TULP4: variants seen among roughly 807,000 people sequenced by gnomAD.
The protein encoded by TULP4 is TUB like protein 4.
TULP4 carries 16 observed loss-of-function variants against 129.0 expected under a neutral mutation model. That is an observed-to-expected ratio of 0.12 (90% CI 0.08 to 0.19). TULP4 has a LOEUF of 0.19. TULP4 is among the 10% of genes least tolerant of loss of function. The pLI is 1.00. For synonymous variants in TULP4, 998 were observed against 854.0 expected (o/e 1.17, Z -2.94); for missense variants, 1,842 against 2,059.1 (o/e 0.89, Z 2.04).
At chr6:158,241,848 C>G in intron 1 of TULP4, 2 of 638,708 alleles carry the variant, frequency 3.1e-6, no homozygotes, top group Non-Finnish European at 3.0e-6. Flanking sequence ...CTGCCTCCGC[C>G]TCCCAAAGTG....
intron 2 of TULP4, among the ~76,000 whole-genome samples, chr6:158,421,767 A>G (rs1406248787): frequency 6.6e-6 from 1 of 152,178 alleles, no homozygotes; most frequent in Non-Finnish European, 1.5e-5. Context: ...GGGGTAAAAT[A>G]TTTTTATTTT....
intron 1 of TULP4, among the ~76,000 whole-genome samples, chr6:158,303,688 C>T (rs1217178447): frequency 6.6e-6 from 1 of 152,194 alleles, no homozygotes; most frequent in African/African-American, 2.4e-5. Flanking sequence ...TTATATCTAC[C>T]TCCCCTTGAG....
In TULP4 at chr6:158,342,947, A is replaced by ATGTGTGTGTGTGTGTGTGTGTGTG. The variant is rs5881254; in HGVS notation, c.252+28695_252+28718dup. ...TAGTGAACGATGAGATTAAAAATAA[A>ATGTGTGTGTGTGTGTGTGTGTGTG]TGTGTGTGTGTGTGTGTGTGTGTGT... On this transcript the variant is annotated intron_variant, in intron 1 of 13. Coordinates refer to ENST00000367097, the MANE Select transcript of TULP4 (RefSeq NM_020245.5). Among the ~76,000 whole-genome samples, 182 of 147,620 alleles carry ATGTGTGTGTGTGTGTGTGTGTGTG rather than the reference A, an allele frequency of 1.2e-3. 3 individuals are homozygous for ATGTGTGTGTGTGTGTGTGTGTGTG. Among genetic ancestry groups the ATGTGTGTGTGTGTGTGTGTGTGTG allele is most frequent in the Middle Eastern group, 0.01 (3 of 288 alleles).
intron 5 of TULP4, among the ~76,000 whole-genome samples, chr6:158,457,297 A>G (rs1050930893): frequency 5.9e-5 from 9 of 152,218 alleles, no homozygotes; most frequent in Non-Finnish European, 1.2e-4. Context: ...GACCTGTGCA[A>G]AAGAACCTAG....
chr6:158,291,422 CT>C (rs1178037567), intron 1 of TULP4, among the ~76,000 whole-genome samples: 1 of 152,204 alleles, frequency 6.6e-6, no homozygotes, highest in African/African-American at 2.4e-5. Context: ...AATTGTCATT[CT>C]TTTGTAAGCA....
At chr6:158,486,848 C>T (rs1780084003) in intron 8 of TULP4, among the ~76,000 whole-genome samples, 1 of 152,142 alleles carries the variant, frequency 6.6e-6, no homozygotes, top group African/African-American at 2.4e-5. Flanking sequence ...CAGTGGCTCA[C>T]CCCTGTAATC....
intron 1 of TULP4, among the ~76,000 whole-genome samples, chr6:158,323,004 A>T (rs1349929002): frequency 6.6e-6 from 1 of 152,228 alleles, no homozygotes; most frequent in Non-Finnish European, 1.5e-5. Context: ...GTGCAAGAAG[A>T]TTAAGCCACA....
intron 2 of TULP4, among the ~76,000 whole-genome samples, chr6:158,415,443 G>A (rs1245573453): frequency 9.4e-5 from 14 of 148,484 alleles, no homozygotes; most frequent in African/African-American, 2.5e-4. Flanking sequence ...TCCGCCTCCC[G>A]GGTTCACGCC....
At chr6:158,264,613 C>T (rs1231489908) in intron 1 of TULP4, among the ~76,000 whole-genome samples, 1 of 152,064 alleles carries the variant, frequency 6.6e-6, no homozygotes, top group Non-Finnish European at 1.5e-5. Flanking sequence ...GTCCCTGACG[C>T]TACTAGATTG....
chr6:158,388,016 C>A (rs1777489912), intron 1 of TULP4, among the ~76,000 whole-genome samples: 1 of 152,052 alleles, frequency 6.6e-6, no homozygotes, highest in African/African-American at 2.4e-5. Flanking sequence ...ATTCTAATTG[C>A]AAATAAGACA....
At chr6:158,484,245 C>A (rs909972967) in intron 8 of TULP4, among the ~76,000 whole-genome samples, 5 of 151,368 alleles carry the variant, frequency 3.3e-5, no homozygotes, top group Non-Finnish European at 7.4e-5. Context: ...ACCACCCCCA[C>A]CCATTGTTTT....
Position 158,508,624 on chromosome 6 carries a change from T to C in TULP4, c.*1930T>C, listed in dbSNP as rs1274685563. The C allele has an allele frequency of 6.6e-6, 1 of 152,614 alleles. No homozygotes were observed. Among genetic ancestry groups the C allele is most frequent in the Non-Finnish European group, 1.5e-5 (1 of 68,028 alleles). The allele number at this position is 152,614 out of a possible 1,614,324, so 9.5% of individuals were successfully genotyped here. On this transcript the variant is annotated 3_prime_UTR_variant, in exon 14 of 14. Transcript: ENST00000367097. Reference sequence around the variant, plus strand: ...TTTTATATGAGTTTATGTAGCTTGATATGGTGTTTCAGTGCTTATTGGTTG... The same window carrying C: ...TTTTATATGAGTTTATGTAGCTTGACATGGTGTTTCAGTGCTTATTGGTTG...
At chr6:158,344,588 A>G (rs906368877) in intron 1 of TULP4, among the ~76,000 whole-genome samples, 33 of 152,184 alleles carry the variant, frequency 2.2e-4, no homozygotes, top group African/African-American at 7.7e-4. Flanking sequence ...TTTCAGGGTG[A>G]CACAAACTGT....
At chr6:158,489,836 C>A in intron 9 of TULP4, 104 bp downstream of exon 9, 1 of 1,348,296 alleles carries the variant, frequency 7.4e-7, no homozygotes, top group Non-Finnish European at 1.0e-6. Flanking sequence ...AGTCAAAGAG[C>A]AACCTCCCTG....
chr6:158,487,111 G>GTA, intron 8 of TULP4, among the ~76,000 whole-genome samples: 1 of 144,736 alleles, frequency 6.9e-6, no homozygotes, highest in Non-Finnish European at 1.5e-5. Flanking sequence ...AGCTGGGTGT[G>GTA]GTGGCAGGTG....
intron 3 of TULP4, among the ~76,000 whole-genome samples, chr6:158,439,103 G>A (rs965314704): frequency 2.0e-5 from 3 of 151,758 alleles, no homozygotes; most frequent in South Asian, 2.1e-4. Flanking sequence ...CCCAGGAGGC[G>A]GAAGTTGCAG....
At chr6:158,301,178 T>C (rs575609442) in intron 1 of TULP4, among the ~76,000 whole-genome samples, 2 of 152,346 alleles carry the variant, frequency 1.3e-5, no homozygotes, top group East Asian at 3.9e-4. Context: ...AGACAATATT[T>C]AAAGGTTTGG....
chr6:158,392,936 G>C (rs1351024332), intron 1 of TULP4, among the ~76,000 whole-genome samples: 1 of 147,716 alleles, frequency 6.8e-6, no homozygotes, highest in African/African-American at 2.5e-5. Flanking sequence ...GAATAGCTAG[G>C]ATTACAGGCA....
At chr6:158,320,678 C>T (rs572247147) in intron 1 of TULP4, among the ~76,000 whole-genome samples, 9 of 152,270 alleles carry the variant, frequency 5.9e-5, no homozygotes, top group East Asian at 1.9e-4. Flanking sequence ...GTGATCCACC[C>T]GCCTCAGCCT....
Sources: allele counts gnomAD v4.1 joint callset (sites outside exome capture counted in the v4.1 genomes callset), GRCh38; gene constraint gnomAD v4.1.1; transcripts MANE v1.5; gene names NCBI Gene and HGNC (gene_info 2026-07-23, HGNC 2026-07-21).